Variants in SHANK2 observed in about 807,000 individuals in gnomAD.
SHANK2 encodes the protein SH3 and multiple ankyrin repeat domains protein 2.
A neutral mutation model predicts 133.7 loss-of-function variants in SHANK2; 43 were observed. That is an observed-to-expected ratio of 0.32 (90% CI 0.25 to 0.41). The LOEUF (loss-of-function observed/expected upper bound fraction) is 0.41, where lower values mean the gene tolerates loss of function less well. SHANK2 is among the 10% of genes least tolerant of loss of function. SHANK2 has a pLI of 1.00. For synonymous variants in SHANK2, 1,017 were observed against 952.8 expected, an observed-to-expected ratio of 1.07 and a Z score of -1.24; for missense variants, 1,994 against 2,235.8, an observed-to-expected ratio of 0.89 and a Z score of 2.18.
At chr11:71,137,745 C>A (rs141927153) in intron 3 of SHANK2, among the ~76,000 whole-genome samples, 19 of 152,166 alleles carry the variant, frequency 1.2e-4, no homozygotes, top group African/African-American at 4.3e-4. Context: ...AAGGACAAAC[C>A]TTCTTGAAGT....
At chr11:70,849,957 C>G (rs1949058154) in intron 11 of SHANK2, among the ~76,000 whole-genome samples, 1 of 152,176 alleles carries the variant, frequency 6.6e-6, no homozygotes, top group Non-Finnish European at 1.5e-5. Flanking sequence ...ACTTTTTCAT[C>G]TTCCCAAACT....
intron 11 of SHANK2, among the ~76,000 whole-genome samples, chr11:70,835,981 T>G (rs1172317498): frequency 6.6e-6 from 1 of 152,158 alleles, no homozygotes; most frequent in Non-Finnish European, 1.5e-5. Flanking sequence ...CAGCTCTCCC[T>G]GTCTCAAGCC....
chr11:71,166,006 G>T (rs967126931), intron 2 of SHANK2, among the ~76,000 whole-genome samples: 2 of 152,198 alleles, frequency 1.3e-5, no homozygotes, highest in Non-Finnish European at 2.9e-5. Flanking sequence ...ACAGACGAAT[G>T]TGAGTGTCCA....
intron 13 of SHANK2, among the ~76,000 whole-genome samples, chr11:70,803,085 C>A (rs933837632): frequency 3.9e-5 from 6 of 152,176 alleles, no homozygotes; most frequent in African/African-American, 1.4e-4. Context: ...GAAGGAGGAG[C>A]TGATGGGAAG....
At chr11:70,934,392 G>T (rs151248501) in intron 10 of SHANK2, among the ~76,000 whole-genome samples, 1 of 152,102 alleles carries the variant, frequency 6.6e-6, no homozygotes, top group Non-Finnish European at 1.5e-5. Flanking sequence ...TTCTCAGGCC[G>T]CCTCTGCTTC....
chr11:70,739,179 C>T lies in SHANK2; in HGVS notation c.1778-40416G>A, dbSNP rs1342933159. 6.6e-6 allele frequency among the ~76,000 whole-genome samples: 1 copy of T among 152,230 alleles called. No homozygotes were observed. The highest frequency in any genetic ancestry group is 1.5e-5 in the Non-Finnish European group (1 of 68,040). On this transcript the variant is annotated intron_variant, in intron 14 of 25. Coordinates refer to ENST00000601538, the MANE Select transcript of SHANK2 (RefSeq NM_012309.5). The surrounding 1 kb of genome is among the most constrained non-coding windows in gnomAD (Gnocchi z 4.3). Reference sequence around the variant, plus strand: ...CATCAGGAGCCTGACCCACCAGCAACCAACTGAACCTCAGCCAGAGGGCCT... The same window carrying T: ...CATCAGGAGCCTGACCCACCAGCAATCAACTGAACCTCAGCCAGAGGGCCT...
chr11:70,516,906 C>T (rs2059273085), intron 17 of SHANK2, among the ~76,000 whole-genome samples: 1 of 152,050 alleles, frequency 6.6e-6, no homozygotes, highest in South Asian at 2.1e-4. Context: ...AACCCCGTCT[C>T]TTATAAAAGT....
rs547495865 is a variant in SHANK2, at chr11:70,740,297, C to T, written c.1778-41534G>A. On this transcript the variant is annotated intron_variant, in intron 14 of 25. Coordinates refer to ENST00000601538, the MANE Select transcript of SHANK2 (RefSeq NM_012309.5). ...TATGAATGAAAACCATAAAGGTTGT[C>T]CGCAATGGGTTCTCGTGACAACCCA... Among the ~76,000 whole-genome samples the T allele has an allele frequency of 4.3e-3, 659 of 152,144 alleles. 5 individuals are homozygous for T. Among genetic ancestry groups the T allele is most frequent in the African/African-American group, 0.015 (626 of 41,406 alleles).
At chr11:71,223,284 G>A (rs782166847) in intron 2 of SHANK2, among the ~76,000 whole-genome samples, 3 of 152,184 alleles carry the variant, frequency 2.0e-5, no homozygotes, top group Non-Finnish European at 4.4e-5. Flanking sequence ...AGGACCCCAG[G>A]GTGTGCATTC....
chr11:70,934,956 G>A (rs1555083210), intron 10 of SHANK2, among the ~76,000 whole-genome samples: 1 of 152,208 alleles, frequency 6.6e-6, no homozygotes, highest in African/African-American at 2.4e-5. Context: ...ACGGAGAGAA[G>A]GGACGGGGCA....
chr11:71,223,111 G>A (rs1954583780), intron 2 of SHANK2, among the ~76,000 whole-genome samples: 1 of 152,248 alleles, frequency 6.6e-6, no homozygotes, highest in Admixed American at 6.5e-5. Flanking sequence ...TTGAACATGG[G>A]GAGGGAGAGA....
At chr11:71,110,452 A>C (rs1401970715) in intron 5 of SHANK2, among the ~76,000 whole-genome samples, 1 of 152,016 alleles carries the variant, frequency 6.6e-6, no homozygotes, top group Non-Finnish European at 1.5e-5. Context: ...AAACAAACAA[A>C]CAAAAAATTA....
intron 17 of SHANK2, among the ~76,000 whole-genome samples, chr11:70,585,030 C>A (rs544976986): frequency 6.6e-6 from 1 of 152,264 alleles, no homozygotes; most frequent in Non-Finnish European, 1.5e-5. Context: ...GTGGCTACCA[C>A]CCCAGGGGCT....
At chr11:70,646,841 ATTTATTTATTT>A (rs2061270132) in intron 17 of SHANK2, among the ~76,000 whole-genome samples, 1 of 143,320 alleles carries the variant, frequency 7.0e-6, no homozygotes, top group African/African-American at 2.8e-5. Context: ...TTATTTATTT[ATTTATTTATTT>A]ATTTATTTAT....
At chr11:71,138,602 A>C (rs1264704943) in intron 3 of SHANK2, among the ~76,000 whole-genome samples, 1 of 151,944 alleles carries the variant, frequency 6.6e-6, no homozygotes, top group East Asian at 1.9e-4. Context: ...GGATCACTTG[A>C]GCCCAGGAGT....
intron 9 of SHANK2, among the ~76,000 whole-genome samples, chr11:71,068,675 T>A (rs1257294548): frequency 1.3e-5 from 2 of 152,244 alleles, no homozygotes; most frequent in African/African-American, 2.4e-5. Context: ...TTCTTCAGCA[T>A]CACTGGGATT....
At chr11:71,187,329 C>T (rs181964980) in intron 2 of SHANK2, among the ~76,000 whole-genome samples, 5 of 151,672 alleles carry the variant, frequency 3.3e-5, no homozygotes, top group East Asian at 3.9e-4. Context: ...CAGTTCTTCA[C>T]GGGTTTCTCA....
chr11:70,630,880 A>G (rs138353547), intron 17 of SHANK2, among the ~76,000 whole-genome samples: 57 of 152,344 alleles, frequency 3.7e-4, no homozygotes, highest in Admixed American at 1.2e-3. Context: ...CCAGGACACC[A>G]GCACAAAGGG....
intron 10 of SHANK2, among the ~76,000 whole-genome samples, chr11:70,941,439 T>C (rs1950646499): frequency 6.6e-6 from 1 of 152,210 alleles, no homozygotes; most frequent in Non-Finnish European, 1.5e-5. Context: ...ACTCCTGACC[T>C]GAAACATATC....
Sources: gnomAD v4.1 joint callset for allele counts (sites outside exome capture counted in the v4.1 genomes callset) on GRCh38, gnomAD v4.1.1 for gene constraint, Gnocchi (gnomAD v3.1) non-coding constraint, MANE v1.5 for transcripts, NCBI Gene and HGNC (gene_info 2026-07-23, HGNC 2026-07-21) for gene names.